ATP9A: variants seen among roughly 807,000 people sequenced by gnomAD.
ATP9A encodes ATPase phospholipid transporting 9A.
Under a neutral mutation model 144.1 loss-of-function variants are expected in ATP9A, and 52 were observed. The ratio of observed to expected loss-of-function variants is 0.36; its 90% CI spans 0.29 to 0.45. The LOEUF (loss-of-function observed/expected upper bound fraction) is 0.45. Among genes scored for constraint, ATP9A ranks in the 20% least tolerant of loss-of-function variants. The pLI, the probability that ATP9A is intolerant of heterozygous loss-of-function variation, is 1.00. For synonymous variants in ATP9A, 582 were observed against 557.4 expected (o/e 1.04, Z -0.62); for missense variants, 947 against 1,392.7 (o/e 0.68, Z 5.09).
At chr20:51,665,247 AG>A (rs2077427906) in intron 13 of ATP9A, among the ~76,000 whole-genome samples, 1 of 143,204 alleles carries the variant, frequency 7.0e-6, no homozygotes, top group Non-Finnish European at 1.5e-5. Context: ...GGGATAGAGC[AG>A]GGGGGTTTGG....
At chr20:51,766,455 C>T (rs1161194010) in intron 1 of ATP9A, among the ~76,000 whole-genome samples, 1 of 152,162 alleles carries the variant, frequency 6.6e-6, no homozygotes, top group African/African-American at 2.4e-5. Context: ...TTTTAGACTC[C>T]ACTGATCATA....
intron 1 of ATP9A, among the ~76,000 whole-genome samples, chr20:51,742,578 G>C (rs1051067288): frequency 6.6e-6 from 1 of 151,804 alleles, no homozygotes; most frequent in Non-Finnish European, 1.5e-5. Flanking sequence ...GCAGTGGCGC[G>C]ATCTCAGCTC....
chr20:51,607,677 T>TA, intron 25 of ATP9A, 93 bp from the exon 26 acceptor site: 1 of 902,128 alleles, frequency 1.1e-6, no homozygotes, highest in Non-Finnish European at 1.8e-6. Context: ...GCTAACGAGA[T>TA]AAGGCAACCC....
chr20:51,702,291 CAAAAAAA>C (rs568902724), intron 4 of ATP9A, among the ~76,000 whole-genome samples: 3 of 101,284 alleles, frequency 3.0e-5, no homozygotes, highest in Non-Finnish European at 6.1e-5. Flanking sequence ...GACTCTGTCT[CAAAAAAA>C]AAAAAAAAAA....
At chr20:51,671,017 T>G in intron 12 of ATP9A, 98 bp downstream of exon 12, 1 of 1,351,184 alleles carries the variant, frequency 7.4e-7, no homozygotes, top group Non-Finnish European at 1.0e-6. Flanking sequence ...GCAACACGCA[T>G]CTCTCATATG....
intron 7 of ATP9A, among the ~76,000 whole-genome samples, chr20:51,693,254 C>T (rs747097840): frequency 2.0e-5 from 3 of 152,318 alleles, no homozygotes; most frequent in East Asian, 1.9e-4. Context: ...TAAGGAGAAT[C>T]GTGAGCAAAA....
intron 3 of ATP9A, among the ~76,000 whole-genome samples, chr20:51,716,012 T>C (rs2122854455): frequency 6.6e-6 from 1 of 151,346 alleles, no homozygotes; most frequent in East Asian, 1.9e-4. Context: ...AGAAAAGCAG[T>C]TGCCTGGGGT....
At chr20:51,689,665 G>A (rs1024444523) in intron 8 of ATP9A, among the ~76,000 whole-genome samples, 1 of 151,426 alleles carries the variant, frequency 6.6e-6, no homozygotes, top group Non-Finnish European at 1.5e-5. Flanking sequence ...CAGGAGATCC[G>A]CTCACCTCAG....
chr20:51,762,813 A>C (rs2077887089), intron 1 of ATP9A, among the ~76,000 whole-genome samples: 1 of 145,498 alleles, frequency 6.9e-6, no homozygotes, highest in Admixed American at 7.2e-5. Context: ...GGGCTCAAGC[A>C]CTCCTCCTAC....
At chr20:51,675,349 T>C (rs1030656389) in intron 10 of ATP9A, among the ~76,000 whole-genome samples, 5 of 152,158 alleles carry the variant, frequency 3.3e-5, no homozygotes, top group African/African-American at 1.2e-4. Flanking sequence ...TTCTGTAATG[T>C]TCTGACTCTT....
intron 1 of ATP9A, 116 bp from the exon 2 acceptor site, chr20:51,730,094 C>G: frequency 1.7e-6 from 2 of 1,158,084 alleles, no homozygotes; most frequent in Non-Finnish European, 2.3e-6. Flanking sequence ...CTCAGGACCA[C>G]AGCCATATTT....
At chr20:51,664,886 A>C (rs1601091253) in intron 13 of ATP9A, among the ~76,000 whole-genome samples, 1 of 135,902 alleles carries the variant, frequency 7.4e-6, no homozygotes, top group South Asian at 2.4e-4. Context: ...CCCCCGGCTA[A>C]TTTTTTTTTT....
At chr20:51,759,009 G>C (rs1283206385) in intron 1 of ATP9A, among the ~76,000 whole-genome samples, 1 of 152,240 alleles carries the variant, frequency 6.6e-6, no homozygotes, top group Non-Finnish European at 1.5e-5. Flanking sequence ...GAGTCCCTCT[G>C]TGGGTTTGCA....
chr20:51,763,058 T>TC lies in ATP9A; in HGVS notation c.68+5243dup, dbSNP rs2077888226. 2.0e-5 allele frequency among the ~76,000 whole-genome samples: 3 copies of TC among 151,906 alleles called. No individual in the cohort carries two copies. The South Asian group carries it at 6.3e-4, about 32-fold the overall frequency. ...ACAATAAAAAGAAACTTCAAAAACT[T>TC]CATGCTAAATTAAAGCAGCCAGACA... On this transcript the variant is annotated intron_variant, in intron 1 of 27. Coordinates refer to ENST00000338821, the MANE Select transcript of ATP9A (RefSeq NM_006045.3).
intron 4 of ATP9A, among the ~76,000 whole-genome samples, chr20:51,699,333 C>CAAAAAAAAAAAAAAA (rs74175569): frequency 2.8e-5 from 2 of 70,468 alleles, no homozygotes; most frequent in Admixed American, 1.8e-4. Flanking sequence ...AACTCAATCT[C>CAAAAAAAAAAAAAAA]AAAAAAAAAA....
intron 27 of ATP9A, among the ~76,000 whole-genome samples, chr20:51,601,591 C>T (rs538765797): frequency 1.4e-4 from 21 of 152,216 alleles, no homozygotes; most frequent in African/African-American, 4.8e-4. Context: ...TGAAATGCTA[C>T]TTTTAACACC....
intron 9 of ATP9A, among the ~76,000 whole-genome samples, chr20:51,679,635 C>T (rs1317345491): frequency 1.3e-5 from 2 of 152,188 alleles, no homozygotes; most frequent in Non-Finnish European, 2.9e-5. Flanking sequence ...CCCTCTGCAG[C>T]CTGCAGGCCA....
chr20:51,629,703 A>G (rs1424312932), intron 15 of ATP9A, among the ~76,000 whole-genome samples: 1 of 152,220 alleles, frequency 6.6e-6, no homozygotes, highest in Non-Finnish European at 1.5e-5. Flanking sequence ...TAGAGATCCA[A>G]TTACCCAGAG....
At chr20:51,720,835 C>CA (rs1223465015) in intron 3 of ATP9A, among the ~76,000 whole-genome samples, 1 of 151,930 alleles carries the variant, frequency 6.6e-6, no homozygotes, top group Non-Finnish European at 1.5e-5. Flanking sequence ...CTCTGTCTCA[C>CA]AAAAAACAAA....
Sources: gnomAD v4.1 joint callset for allele counts (sites outside exome capture counted in the v4.1 genomes callset) on GRCh38, gnomAD v4.1.1 for gene constraint, MANE v1.5 for transcripts, NCBI Gene and HGNC (gene_info 2026-07-23, HGNC 2026-07-21) for gene names.